DDX54: variants seen among roughly 807,000 people sequenced by gnomAD.
DDX54 encodes ATP-dependent RNA helicase DDX54.
In DDX54, 67 loss-of-function variants were observed where a neutral mutation model predicts 105.5. The ratio of observed to expected loss-of-function variants is 0.64; its 90% CI spans 0.52 to 0.78. The LOEUF is 0.78. Among genes scored for constraint, DDX54 ranks in the 30% least tolerant of loss-of-function variants. DDX54 has a pLI of 0.00. For missense variants in DDX54, 1,206 were observed against 1,230.5 expected (o/e 0.98, Z 0.30); for synonymous variants, 514 against 509.9 (o/e 1.01, Z -0.11).
At chr12:113,166,376 C>G (rs1231297693) in intron 12 of DDX54, among the ~76,000 whole-genome samples, 1 of 151,902 alleles carries the variant, frequency 6.6e-6, no homozygotes, top group Non-Finnish European at 1.5e-5. Flanking sequence ...CCCACAGAGC[C>G]TAGAATATGT....
chr12:113,178,973 T>C lies in DDX54; in HGVS notation c.614+4A>G. 6.2e-7 allele frequency: 1 copy of C among 1,614,022 alleles called. No homozygotes were observed. The highest frequency in any genetic ancestry group is 1.1e-5 in the South Asian group (1 of 91,028). ...GACCCTGGCATGGGGTGCAGGGACC[T>C]TACCTGTCTCCACCCAGGATCAGGG... On this transcript the variant is annotated splice_donor_region_variant and intron_variant, in intron 5 of 19. Transcript: ENST00000306014.
At chr12:113,169,696 C>G in intron 12 of DDX54, 74 bp downstream of exon 12, 1 of 1,546,222 alleles carries the variant, frequency 6.5e-7, no homozygotes. Context: ...AAACCCAGCC[C>G]TACCTCCTCC....
Position 113,175,019 on chromosome 12 carries a change from A to G in DDX54, c.874+17T>C. 6.2e-7 allele frequency: 1 copy of G among 1,608,914 alleles called. No individual in the cohort carries two copies. The highest frequency in any genetic ancestry group is 8.5e-7 in the Non-Finnish European group (1 of 1,177,836). On this transcript the variant is annotated intron_variant, in intron 8 of 19. Transcript: ENST00000306014. ...AGCCTGACCCCCAGCCCCCATCTCCACCCCCAGCTCACGCACCAGCCCGGG... is the reference window on the plus strand; with the variant it reads ...AGCCTGACCCCCAGCCCCCATCTCCGCCCCCAGCTCACGCACCAGCCCGGG...
In DDX54 at chr12:113,174,912, C is replaced by A; in HGVS notation, c.899G>T (p.Arg300Leu). 1 of 1,613,646 alleles carries A rather than the reference C, an allele frequency of 6.2e-7. No homozygotes were observed. The highest frequency in any genetic ancestry group is 8.5e-7 in the Non-Finnish European group (1 of 1,179,814). Residue 300 changes from arginine to leucine, a missense_variant, in exon 9 of 20, where the codon CGG becomes CTG. By Grantham distance (102) the Arg-to-Leu change is moderately radical (BLOSUM62 -2). This residue lies in a region of DDX54 where 961 missense variants were observed against 1,019.1 expected (regional missense o/e 0.94). Coordinates refer to ENST00000306014, the MANE Select transcript of DDX54 (RefSeq NM_024072.4). Reference sequence around the variant, plus strand: ...GTTGAGCTTGGTATCCACGTCAAGCCGGATGAGCACGGGCTCCGTGAGGCC... The same window carrying A: ...GTTGAGCTTGGTATCCACGTCAAGCAGGATGAGCACGGGCTCCGTGAGGCC... ...RAGLTEPVLIRLDVDTKLNEQ... is the reference protein window; with the variant it reads ...RAGLTEPVLILLDVDTKLNEQ...
chr12:113,162,713 C>A (rs1467213222), intron 17 of DDX54: 3 of 525,886 alleles, frequency 5.7e-6, no homozygotes, highest in Non-Finnish European at 9.9e-6. Flanking sequence ...CTCACTCACC[C>A]CAGGCATGGA....
At chr12:113,178,098 A>G (rs1173226107) in intron 5 of DDX54, among the ~76,000 whole-genome samples, 2 of 152,094 alleles carry the variant, frequency 1.3e-5, no homozygotes, top group African/African-American at 4.8e-5. Context: ...TTGGCTGGGC[A>G]TGGTGGTGCA....
Position 113,159,054 on chromosome 12 carries a change from G to C in DDX54, c.2469C>G (p.Leu823=), listed in dbSNP as rs1277115565. The change falls in exon 20 of 20, where the codon CTC becomes CTG. Residue 823 remains leucine (L), a synonymous_variant. Coordinates refer to ENST00000306014, the MANE Select transcript of DDX54 (RefSeq NM_024072.4). ...GCTTCAGGATCTGCTGCTTGGTCTT[G>C]AGTTCCGGGCGGACTCGGCCTGCAG... is the stretch of plus-strand genomic sequence containing the variant. ...GTPAGRVRPE[L]KTKQQILKQR... is the part of the protein sequence containing the mutation. 4 of 1,610,572 alleles carry C rather than the reference G, an allele frequency of 2.5e-6. No individual in the cohort carries two copies. The African/African-American group carries it at 5.3e-5, about 21-fold the overall frequency.
intron 10 of DDX54, among the ~76,000 whole-genome samples, chr12:113,174,012 G>A (rs1484294668): frequency 1.3e-5 from 2 of 151,972 alleles, no homozygotes; most frequent in African/African-American, 2.4e-5. Context: ...GCAAAACCCC[G>A]TCTCCATGAG....
chr12:113,185,143 A>C, intron 1 of DDX54, 135 bp downstream of exon 1: 1 of 1,178,898 alleles, frequency 8.5e-7, no homozygotes, highest in African/African-American at 1.6e-5. Context: ...CGGTCCCAAG[A>C]CCGGTCCTCG....
intron 17 of DDX54, 167 bp downstream of exon 17, chr12:113,162,765 A>C: frequency 1.7e-6 from 1 of 599,876 alleles, no homozygotes; most frequent in Non-Finnish European, 2.8e-6. Flanking sequence ...CTGGAGGGGC[A>C]GCTCACTCGA....
rs145088073 is a variant in DDX54 at position 113,179,311 on chromosome 12, A to G, written c.396T>C (p.Asp132=). ...IQRKTIPVIL[D]GKDVVAMART... The stretch of plus-strand genomic sequence containing the variant: ...GGGCCATGGCCACCACGTCCTTGCC[A>G]TCCAAGATCACCGGGATGGTCTGGA... The change falls in exon 4 of 20, where the codon GAT becomes GAC. Residue 132 remains aspartate (D), a synonymous_variant. Transcript: ENST00000306014. 1,385 of 1,613,574 alleles carry G rather than the reference A, an allele frequency of 8.6e-4. 8 individuals are homozygous for G. The highest frequency in any genetic ancestry group is 4.8e-3 in the Middle Eastern group (29 of 6,060).
chr12:113,158,307 G>A lies in DDX54; in HGVS notation c.*570C>T. On this transcript the variant is annotated 3_prime_UTR_variant, in exon 20 of 20. Coordinates refer to ENST00000306014, the MANE Select transcript of DDX54 (RefSeq NM_024072.4). The surrounding 1 kb of genome is among the most constrained non-coding windows in gnomAD (Gnocchi z 4.9). ...TGCAACCATGTCCAGTGGGAGGAAGGGGGACCAACTCCCGCCTCTGGCACC... is the reference window on the plus strand; with the variant it reads ...TGCAACCATGTCCAGTGGGAGGAAGAGGGACCAACTCCCGCCTCTGGCACC... 1 of 153,398 alleles carries A rather than the reference G, an allele frequency of 6.5e-6. No homozygotes were observed. Among genetic ancestry groups the A allele is most frequent in the Non-Finnish European group, 1.5e-5 (1 of 68,806 alleles). 9.5% of individuals were successfully genotyped at this position (153,398 alleles called of 1,614,324 possible).
intron 3 of DDX54, 43 bp from the exon 4 acceptor site, chr12:113,179,374 A>C: frequency 6.3e-7 from 1 of 1,596,450 alleles, no homozygotes; most frequent in Non-Finnish European, 8.5e-7. Flanking sequence ...GCTCCTCCCC[A>C]AACACCATGT....
chr12:113,159,946 T>G (rs796097721), intron 19 of DDX54, among the ~76,000 whole-genome samples: 1 of 152,128 alleles, frequency 6.6e-6, no homozygotes, highest in Non-Finnish European at 1.5e-5. Flanking sequence ...CTGTCTCCAA[T>G]GGAGCCAGGG....
chr12:113,175,600 A>T (rs552531091), intron 7 of DDX54, among the ~76,000 whole-genome samples: 1 of 152,164 alleles, frequency 6.6e-6, no homozygotes, highest in East Asian at 1.9e-4. Flanking sequence ...CATCCTGGCT[A>T]ACACAGTGAA....
chr12:113,159,389 A>G, intron 19 of DDX54: 1 of 471,948 alleles, frequency 2.1e-6, no homozygotes, highest in South Asian at 4.3e-5. Flanking sequence ...CCCATCTATG[A>G]ATTATAAATC....
In DDX54 at chr12:113,180,016, C is replaced by T; in HGVS notation, c.305-11G>A. On this transcript the variant is annotated splice_polypyrimidine_tract_variant and intron_variant, in intron 2 of 19. Transcript: ENST00000306014. ...CCGGGTAGCTCAGGCCTGGGAGAGA[C>T]ATGAAACGGTCAGGGGGCCGAGGGA... 1 of 1,613,892 alleles carries T rather than the reference C, an allele frequency of 6.2e-7. No homozygotes were observed. Among genetic ancestry groups the T allele is most frequent in the African/African-American group, 1.3e-5 (1 of 74,926 alleles).
chr12:113,160,879 T>C (rs61941432), intron 19 of DDX54, among the ~76,000 whole-genome samples: 17,303 of 152,220 alleles, frequency 0.11, 1,196 homozygotes, highest in East Asian at 0.21. Flanking sequence ...GGCCTGCATT[T>C]GCACAAGGTT....
At chr12:113,169,993 C>A (rs1952318129) in intron 11 of DDX54, 89 bp from the exon 12 acceptor site, 3 of 1,533,500 alleles carry the variant, frequency 2.0e-6, no homozygotes, top group Non-Finnish European at 2.6e-6. Flanking sequence ...AGCAGGTGAG[C>A]CTGGCCAAGC....
Sources: allele counts gnomAD v4.1 joint callset (sites outside exome capture counted in the v4.1 genomes callset), GRCh38; gene constraint gnomAD v4.1.1; regional missense constraint gnomAD v4.1.1; non-coding constraint Gnocchi (gnomAD v3.1); transcripts MANE v1.5; gene names NCBI Gene and HGNC (gene_info 2026-07-23, HGNC 2026-07-21).